The following NKAIN2 variants were observed in gnomAD, a reference collection of about 807,000 sequenced individuals.
NKAIN2 encodes sodium/potassium transporting ATPase interacting 2.
In NKAIN2, 14 loss-of-function variants were observed where a neutral mutation model predicts 32.6. The observed-to-expected ratio is 0.43, with a 90% confidence interval of 0.28 to 0.67. The LOEUF is 0.67. Ranked by LOEUF, NKAIN2 falls within the 30% of genes least tolerant of loss-of-function variation. The probability of loss-of-function intolerance (pLI) is 0.17; values close to 1 mark genes in which losing one functional copy is unlikely to be tolerated. For missense variants in NKAIN2, 198 were observed against 258.3 expected (o/e 0.77, Z 1.60); for synonymous variants, 80 against 87.2 (o/e 0.92, Z 0.46).
chr6:124,539,703 A>C (rs1779840854), intron 3 of NKAIN2, among the ~76,000 whole-genome samples: 1 of 152,102 alleles, frequency 6.6e-6, no homozygotes, highest in Admixed American at 6.6e-5. Flanking sequence ...AACCTTAAAT[A>C]TATATTTTTT....
intron 2 of NKAIN2, among the ~76,000 whole-genome samples, chr6:124,345,072 C>T (rs1409632614): frequency 1.3e-5 from 2 of 152,142 alleles, no homozygotes; most frequent in Non-Finnish European, 2.9e-5. Flanking sequence ...AAGGCCTTTT[C>T]TGCATCTATT....
At chr6:124,265,352 A>T (rs1794444789) in intron 1 of NKAIN2, among the ~76,000 whole-genome samples, 1 of 152,144 alleles carries the variant, frequency 6.6e-6, no homozygotes, top group Non-Finnish European at 1.5e-5. Context: ...GAATATAGAA[A>T]TATTATTTTT....
At chr6:124,815,214 C>CTATATATATATATA (rs1200227151) in intron 5 of NKAIN2, among the ~76,000 whole-genome samples, 8 of 68,812 alleles carry the variant, frequency 1.2e-4, no homozygotes, top group South Asian at 4.4e-4. Context: ...CAGTCTTAAA[C>CTATATATATATATA]TATATATATA....
chr6:124,745,840 C>T (rs140076188), intron 4 of NKAIN2, among the ~76,000 whole-genome samples: 94 of 151,898 alleles, frequency 6.2e-4, no homozygotes, highest in African/African-American at 2.2e-3. Context: ...CCAAAAATAA[C>T]AACAATAAAT....
chr6:124,309,102 A>G (rs558255338), intron 2 of NKAIN2, among the ~76,000 whole-genome samples: 1 of 152,308 alleles, frequency 6.6e-6, no homozygotes, highest in Admixed American at 6.5e-5. Context: ...GGAGAAGTGT[A>G]TTAAATCTGA....
intron 2 of NKAIN2, among the ~76,000 whole-genome samples, chr6:124,351,013 A>G (rs1279863183): frequency 6.6e-6 from 1 of 152,146 alleles, no homozygotes; most frequent in Admixed American, 6.5e-5. Flanking sequence ...ATAAATAAAA[A>G]TATTTTTAAA....
intron 1 of NKAIN2, among the ~76,000 whole-genome samples, chr6:124,193,026 G>A (rs1365730238): frequency 2.0e-5 from 3 of 152,164 alleles, no homozygotes; most frequent in Non-Finnish European, 4.4e-5. Context: ...TGGGATTACA[G>A]GCGTGAGCTA....
At chr6:124,670,944 T>G (rs926231039) in intron 4 of NKAIN2, among the ~76,000 whole-genome samples, 1 of 152,096 alleles carries the variant, frequency 6.6e-6, no homozygotes, top group Non-Finnish European at 1.5e-5. Flanking sequence ...GGGGTCTTAG[T>G]CTTTCATCAT....
intron 1 of NKAIN2, among the ~76,000 whole-genome samples, chr6:123,863,372 CT>C (rs1363091621): frequency 6.6e-6 from 1 of 152,224 alleles, no homozygotes; most frequent in African/African-American, 2.4e-5. Context: ...ATTCCCCTCA[CT>C]CTTCATTGTT....
chr6:124,092,410 A>G (rs1479636264), intron 1 of NKAIN2, among the ~76,000 whole-genome samples: 1 of 152,082 alleles, frequency 6.6e-6, no homozygotes, highest in Non-Finnish European at 1.5e-5. Context: ...CTATAAAAGT[A>G]TTTTAGTGAT....
intron 3 of NKAIN2, among the ~76,000 whole-genome samples, chr6:124,416,001 G>A (rs1190119041): frequency 6.7e-6 from 1 of 148,388 alleles, no homozygotes; most frequent in Non-Finnish European, 1.5e-5. Flanking sequence ...CTGAGCCTCT[G>A]TTCATTTTTT....
chr6:124,219,956 C>T (rs1031301049), intron 1 of NKAIN2, among the ~76,000 whole-genome samples: 3 of 152,124 alleles, frequency 2.0e-5, no homozygotes, highest in Non-Finnish European at 2.9e-5. Context: ...TTCTTTGTTT[C>T]ATTTAGCATT....
intron 1 of NKAIN2, among the ~76,000 whole-genome samples, chr6:124,058,953 T>G (rs1304302573): frequency 6.6e-6 from 1 of 152,036 alleles, no homozygotes; most frequent in Non-Finnish European, 1.5e-5. Flanking sequence ...ACAGGACACA[T>G]TTGAGGGTGA....
chr6:124,677,630 C>A (rs1238328745), intron 4 of NKAIN2, among the ~76,000 whole-genome samples: 1 of 152,140 alleles, frequency 6.6e-6, no homozygotes, highest in Admixed American at 6.5e-5. Context: ...CATTATGTTA[C>A]TGATGTCATA....
At chr6:124,348,587 A>G (rs568181109) in intron 2 of NKAIN2, among the ~76,000 whole-genome samples, 1 of 152,298 alleles carries the variant, frequency 6.6e-6, no homozygotes, top group Non-Finnish European at 1.5e-5. Context: ...TTGATCTCAG[A>G]CTGCTGTGCT....
chr6:124,413,512 A>T (rs1262397435), intron 3 of NKAIN2, among the ~76,000 whole-genome samples: 3 of 152,018 alleles, frequency 2.0e-5, no homozygotes, highest in South Asian at 4.1e-4. Context: ...TTCTTTTTCA[A>T]AGATGTTTTG....
At chr6:123,868,708 T>G (rs1772712384) in intron 1 of NKAIN2, among the ~76,000 whole-genome samples, 1 of 152,210 alleles carries the variant, frequency 6.6e-6, no homozygotes, top group African/African-American at 2.4e-5. Flanking sequence ...AAAAGTTGAT[T>G]ACAAACTAAA....
chr6:124,622,513 G>A (rs1236307922), intron 3 of NKAIN2, among the ~76,000 whole-genome samples: 1 of 152,218 alleles, frequency 6.6e-6, no homozygotes, highest in Non-Finnish European at 1.5e-5. Flanking sequence ...AGCTTTAAGA[G>A]TTAACTAGCT....
intron 4 of NKAIN2, among the ~76,000 whole-genome samples, chr6:124,659,966 T>C (rs1168815450): frequency 1.3e-5 from 2 of 152,188 alleles, no homozygotes; most frequent in African/African-American, 4.8e-5. Flanking sequence ...AACTCTTCTG[T>C]AATAGTTTTA....
Sources: allele counts gnomAD v4.1 joint callset (sites outside exome capture counted in the v4.1 genomes callset), GRCh38; gene constraint gnomAD v4.1.1; transcripts MANE v1.5; gene names NCBI Gene and HGNC (gene_info 2026-07-23, HGNC 2026-07-21).